The following ENAM variants were observed in gnomAD, a reference collection of about 807,000 sequenced individuals.
ENAM encodes the protein enamelin, also known as amelogenesis imperfecta 2, hypocalcification (autosomal dominant).
In ENAM, 21 loss-of-function variants were observed where a neutral mutation model predicts 33.6. The observed-to-expected ratio is 0.63, with a 90% CI of 0.44 to 0.90. The LOEUF (loss-of-function observed/expected upper bound fraction) is 0.90. Among genes scored for constraint, ENAM ranks in the 40% least tolerant of loss-of-function variants. ENAM has a pLI of 0.00. For missense variants in ENAM, 1,388 were observed against 1,366.9 expected, an observed-to-expected ratio of 1.02 and a Z score of -0.24; for synonymous variants, 473 against 468.4, an observed-to-expected ratio of 1.01 and a Z score of -0.13.
At chr4:70,640,839 TAG>T (rs1237628623) in intron 8 of ENAM, among the ~76,000 whole-genome samples, 1 of 152,130 alleles carries the variant, frequency 6.6e-6, no homozygotes, top group Non-Finnish European at 1.5e-5. Flanking sequence ...TTAAGGGATT[TAG>T]AGTTTATTTT....
intron 2 of ENAM, among the ~76,000 whole-genome samples, chr4:70,630,168 G>A (rs917092213): frequency 6.6e-6 from 1 of 152,082 alleles, no homozygotes; most frequent in African/African-American, 2.4e-5. Flanking sequence ...TGCTTCCTTT[G>A]TTTAATTACA....
At chr4:70,630,030 A>C (rs1023860497) in intron 2 of ENAM, among the ~76,000 whole-genome samples, 1 of 152,162 alleles carries the variant, frequency 6.6e-6, no homozygotes, top group South Asian at 2.1e-4. Context: ...TATTCTCTTT[A>C]TTAGTTTCCA....
At chr4:70,640,776 A>T (rs1738576770) in intron 8 of ENAM, among the ~76,000 whole-genome samples, 1 of 152,150 alleles carries the variant, frequency 6.6e-6, no homozygotes, top group South Asian at 2.1e-4. Flanking sequence ...TTTAATGCAC[A>T]TCTGTCTAGA....
chr4:70,631,063 GTGA>G (rs911506760), intron 2 of ENAM, among the ~76,000 whole-genome samples: 1 of 151,974 alleles, frequency 6.6e-6, no homozygotes, highest in African/African-American at 2.4e-5. Flanking sequence ...TTTAAAGGAA[GTGA>G]TGATGATGAT....
At chr4:70,637,749 C>T (rs774028853) in intron 7 of ENAM, 41 bp from the exon 8 acceptor site, 36 of 1,507,938 alleles carry the variant, frequency 2.4e-5, no homozygotes, top group Non-Finnish European at 3.1e-5. Context: ...CGGCATCGAA[C>T]GTGGTTTTCT....
At position 70,643,713 on chromosome 4, in the gene ENAM, C is replaced by T. The variant is rs1281845126; in HGVS notation, c.2287C>T (p.Arg763Trp). 13 of 1,613,970 alleles carry T rather than the reference C, an allele frequency of 8.1e-6. No homozygotes were observed. The highest frequency in any genetic ancestry group is 1.1e-5 in the Non-Finnish European group (13 of 1,180,014). The change falls in exon 9 of 9, where the codon CGG becomes TGG. Residue 763 changes from arginine to tryptophan, a missense_variant. By Grantham distance (101) the Arg-to-Trp change is moderately radical. Transcript: ENST00000396073. ...AGAAGAAAGCACTCTATTTCCTTCACGGAATTCCTGGGACCACAGGATACA... is the reference window on the plus strand; with the variant it reads ...AGAAGAAAGCACTCTATTTCCTTCATGGAATTCCTGGGACCACAGGATACA... ...GPEESTLFPS[R>W]NSWDHRIQAQ...
At position 70,629,520 on chromosome 4, in the gene ENAM, G is replaced by A; in HGVS notation, c.20G>A (p.Arg7Lys). MLVLRC[R>K]LGTSFPKLDN... ...AAAAAAATGTTGGTGCTTCGGTGCA[G>A]GCTTGGAACCTCTTTTCCTAAACTA... is the stretch of plus-strand genomic sequence containing the variant. Residue 7 changes from arginine to lysine, a missense_variant, in exon 2 of 9, where the codon AGG (arginine) becomes AAG (lysine). Transcript: ENST00000396073. 1 of 1,613,462 alleles carries A rather than the reference G, an allele frequency of 6.2e-7. No homozygotes were observed. Among genetic ancestry groups the A allele is most frequent in the South Asian group, 1.1e-5 (1 of 91,070 alleles).
At chr4:70,635,333 C>T (rs1339224263) in intron 6 of ENAM, among the ~76,000 whole-genome samples, 11 of 152,060 alleles carry the variant, frequency 7.2e-5, no homozygotes, top group Non-Finnish European at 2.9e-5. Context: ...GCCAAGATCA[C>T]GCCACTGCAC....
intron 2 of ENAM, among the ~76,000 whole-genome samples, chr4:70,630,943 T>C (rs557745077): frequency 1.3e-5 from 2 of 152,256 alleles, no homozygotes; most frequent in South Asian, 4.1e-4. Flanking sequence ...GGTTTCACCA[T>C]GTTGGCTCAG....
In ENAM at chr4:70,642,191, A is replaced by G. The variant is rs2148522726; in HGVS notation, c.765A>G (p.Gln255=). The G allele has an allele frequency of 1.2e-6, 2 of 1,614,188 alleles. No homozygotes were observed. The highest frequency in any genetic ancestry group is 2.2e-5 in the East Asian group (1 of 44,886). ...CAGTCACTGAGACGAATTCTACCCA[A>G]CCAAATCCTAAAGGGAGTCAGGGAG... ...NSTVTETNST[Q]PNPKGSQGGN... The change falls in exon 9 of 9, where the codon CAA becomes CAG. Residue 255 remains glutamine (Q), a synonymous_variant. Coordinates refer to ENST00000396073, the MANE Select transcript of ENAM (RefSeq NM_031889.3).
intron 6 of ENAM, 98 bp downstream of exon 6, chr4:70,634,666 T>A: frequency 8.6e-7 from 1 of 1,158,586 alleles, no homozygotes; most frequent in Non-Finnish European, 1.3e-6. Flanking sequence ...ACAGGTACTC[T>A]GTTGCAATAC....
At chr4:70,634,279 G>T in intron 5 of ENAM, 29 bp from the exon 6 acceptor site, 1 of 1,611,434 alleles carries the variant, frequency 6.2e-7, no homozygotes, top group Non-Finnish European at 8.5e-7. Flanking sequence ...GCTCTATTAT[G>T]ATTTCACTAT....
chr4:70,644,724 G>C lies in ENAM; in HGVS notation c.3298G>C (p.Ala1100Pro). ...TENPNTLVEL[A>P]TEEQFKSINV... Reference sequence around the variant, plus strand: ...AAATCCTAACACATTGGTTGAGTTAGCTACTGAGGAACAATTTAAGAGTAT... The same window carrying C: ...AAATCCTAACACATTGGTTGAGTTACCTACTGAGGAACAATTTAAGAGTAT... The change falls in exon 9 of 9, where the codon GCT (alanine) becomes CCT (proline). Residue 1100 changes from alanine to proline, a missense_variant. Physicochemically the swap from Ala to Pro is conservative, Grantham distance 27. Coordinates refer to ENST00000396073, the MANE Select transcript of ENAM (RefSeq NM_031889.3). 6.2e-7 allele frequency: 1 copy of C among 1,614,126 alleles called. No homozygotes were observed. The highest frequency in any genetic ancestry group is 8.5e-7 in the Non-Finnish European group (1 of 1,179,978).
rs1440777242 is a variant in ENAM, at chr4:70,645,905, A to C, written c.*1050A>C. ...CAGCCTAGGGAAAAGGCTTAGGAAG[A>C]TGGAGAATGAGGAACTGAAGAAACT... On this transcript the variant is annotated 3_prime_UTR_variant, in exon 9 of 9. Coordinates refer to ENST00000396073, the MANE Select transcript of ENAM (RefSeq NM_031889.3). 1.3e-5 allele frequency: 2 copies of C among 152,248 alleles called. No individual in the cohort carries two copies. Among genetic ancestry groups the C allele is most frequent in the Admixed American group, 1.3e-4 (2 of 15,280 alleles). 9.4% of individuals were successfully genotyped at this position (152,248 alleles called of 1,614,324 possible).
At chr4:70,634,084 CCT>C (rs912170959) in intron 5 of ENAM, among the ~76,000 whole-genome samples, 1 of 152,082 alleles carries the variant, frequency 6.6e-6, no homozygotes, top group African/African-American at 2.4e-5. Context: ...CCTAATTCTG[CCT>C]TTTGGTTTGT....
At position 70,644,471 on chromosome 4, in the gene ENAM, T is replaced by C; in HGVS notation, c.3045T>C (p.Thr1015=). 1.2e-6 allele frequency: 2 copies of C among 1,614,108 alleles called. No individual in the cohort carries two copies. Among genetic ancestry groups the C allele is most frequent in the Non-Finnish European group, 1.7e-6 (2 of 1,180,018 alleles). ...NQLNERTVDL[T]PEQLVIGTPD... ...TCAATGAAAGAACTGTTGACCTTAC[T>C]CCTGAGCAGCTTGTTATTGGTACAC... The change falls in exon 9 of 9, where the codon ACT becomes ACC. Residue 1015 remains threonine, a synonymous_variant. Coordinates refer to ENST00000396073, the MANE Select transcript of ENAM (RefSeq NM_031889.3).
chr4:70,635,483 GGAATCCTGGCTTCAGT>G (rs1738428327), intron 6 of ENAM, among the ~76,000 whole-genome samples: 2 of 152,206 alleles, frequency 1.3e-5, no homozygotes, highest in South Asian at 4.1e-4. Context: ...CTCCTGGATT[GGAATCCTGGCTTCAGT>G]GATTTACGAG....
intron 8 of ENAM, among the ~76,000 whole-genome samples, chr4:70,640,524 A>G (rs540639492): frequency 6.6e-6 from 1 of 152,340 alleles, no homozygotes; most frequent in South Asian, 2.1e-4. Flanking sequence ...AGGGGGAGGA[A>G]ATGAGGCTGA....
In ENAM at chr4:70,644,612, A is replaced by C; in HGVS notation, c.3186A>C (p.Leu1062Phe). Residue 1062 changes from leucine to phenylalanine, a missense_variant, in exon 9 of 9, where the codon TTA (leucine) becomes TTC (phenylalanine). Leu to Phe is a conservative substitution (Grantham distance 22, BLOSUM62 0). Coordinates refer to ENST00000396073, the MANE Select transcript of ENAM (RefSeq NM_031889.3). ...ILHLPCFGSKLAKHHSSTTGT... is the reference protein window; with the variant it reads ...ILHLPCFGSKFAKHHSSTTGT... Reference sequence around the variant, plus strand: ...ATTTGCCATGCTTTGGCTCCAAATTAGCAAAGCATCACTCTTCCACCACCG... The same window carrying C: ...ATTTGCCATGCTTTGGCTCCAAATTCGCAAAGCATCACTCTTCCACCACCG... The C allele has an allele frequency of 6.2e-7, 1 of 1,613,402 alleles. No homozygotes were observed. The highest frequency in any genetic ancestry group is 8.5e-7 in the Non-Finnish European group (1 of 1,179,452).
Sources: gnomAD v4.1 joint callset for allele counts (sites outside exome capture counted in the v4.1 genomes callset) on GRCh38, gnomAD v4.1.1 for gene constraint, MANE v1.5 for transcripts, NCBI Gene and HGNC (gene_info 2026-07-23, HGNC 2026-07-21) for gene names.